The following CASKIN2 variants were observed in gnomAD, a reference collection of about 807,000 sequenced individuals.
The protein encoded by CASKIN2 is caskin-2.
A neutral mutation model predicts 107.1 loss-of-function variants in CASKIN2; 41 were observed. The ratio of observed to expected loss-of-function variants is 0.38; its 90% confidence interval spans 0.30 to 0.50. The LOEUF is 0.50. CASKIN2 is among the 20% of genes least tolerant of loss of function. CASKIN2 has a pLI of 0.92. For missense variants in CASKIN2, 1,546 were observed against 1,657.4 expected (o/e 0.93, Z 1.17); for synonymous variants, 724 against 705.6 (o/e 1.03, Z -0.41).
Position 75,506,757 on chromosome 17 carries a change from G to A in CASKIN2, c.486+42C>T. 1 of 1,613,748 alleles carries A rather than the reference G, an allele frequency of 6.2e-7. No individual in the cohort carries two copies. The highest frequency in any genetic ancestry group is 8.5e-7 in the Non-Finnish European group (1 of 1,179,972). ...AGTTAGAGCCTCCTCCTGAGACCCT[G>A]TAGATGTCCAGGACCCAGCACCCCA... On this transcript the variant is annotated intron_variant, in intron 6 of 19. Transcript: ENST00000321617. This position sits in a 1 kb window ranked among gnomAD's most constrained non-coding sequence, Gnocchi z 4.8.
rs2053218750 is a variant in CASKIN2, at chr17:75,502,924, G to A, written c.2150C>T (p.Pro717Leu). Residue 717 changes from proline (P) to leucine (L), a missense_variant, in exon 18 of 20, where the codon CCA (proline) becomes CTA (leucine). By Grantham distance (98) the Pro-to-Leu change is moderately conservative. Coordinates refer to ENST00000321617, the MANE Select transcript of CASKIN2 (RefSeq NM_020753.5). This position sits in a 1 kb window ranked among gnomAD's most constrained non-coding sequence, Gnocchi z 4.3. Reference sequence around the variant, plus strand: ...GCTGGGATCTCCACCGCTGGGCTGTGGGGCAGGCTGTTCCTGTGAGTGGCC... The same window carrying A: ...GCTGGGATCTCCACCGCTGGGCTGTAGGGCAGGCTGTTCCTGTGAGTGGCC... ...GSGHSQEQPA[P>L]QPSGGDPSPP... 6.4e-6 allele frequency: 10 copies of A among 1,564,012 alleles called. No individual in the cohort carries two copies. Among genetic ancestry groups the A allele is most frequent in the Middle Eastern group, 1.7e-4 (1 of 5,808 alleles).
rs199876210 is a variant in CASKIN2 at position 75,501,455 on chromosome 17, C to T, written c.3518+13G>A. On this transcript the variant is annotated intron_variant, in intron 19 of 19. Transcript: ENST00000321617. ...CTGCAGCCTTCTCTCCCTCCCCATC[C>T]GGCCCCCCTCACCCCTCTTGCTCCT... The T allele has an allele frequency of 1.7e-4, 268 of 1,598,246 alleles. No individual in the cohort carries two copies. The East Asian group carries it at 5.2e-3, about 31-fold the overall frequency.
Position 75,504,700 on chromosome 17 carries a change from G to A in CASKIN2, c.1193-7C>T. Reference sequence around the variant, plus strand: ...ACACTATTCCTGTCACCTGCTGTGGGGGGCAGAAGCCAAGGGGTCAGAGTC... The same window carrying A: ...ACACTATTCCTGTCACCTGCTGTGGAGGGCAGAAGCCAAGGGGTCAGAGTC... On this transcript the variant is annotated splice_polypyrimidine_tract_variant and splice_region_variant and intron_variant, in intron 11 of 19. Transcript: ENST00000321617. The A allele has an allele frequency of 6.3e-7, 1 of 1,588,626 alleles. No individual in the cohort carries two copies. The highest frequency in any genetic ancestry group is 8.6e-7 in the Non-Finnish European group (1 of 1,164,450).
chr17:75,508,443 GC>G, intron 2 of CASKIN2, among the ~76,000 whole-genome samples, 158 bp from the exon 3 acceptor site: 1 of 152,204 alleles, frequency 6.6e-6, no homozygotes, highest in East Asian at 1.9e-4. Context: ...CCCCACCCTG[GC>G]CCACCGGCCC....
rs764564757 is a variant in CASKIN2 at position 75,501,586 on chromosome 17, C to T, written c.3400G>A (p.Glu1134Lys). ...CCTGGGCCCACAGTCCCAGTGCTCT[C>T]AGGCCGTGGAGGAGGCACTGGGCGG... Reference protein sequence around the residue: ...GPRPVPPPRPESTGTVGPGQA... With the variant: ...GPRPVPPPRPKSTGTVGPGQA... The change falls in exon 19 of 20, where the codon GAG becomes AAG. Residue 1134 changes from glutamate (E) to lysine (K), a missense_variant. Coordinates refer to ENST00000321617, the MANE Select transcript of CASKIN2 (RefSeq NM_020753.5). 6.2e-7 allele frequency: 1 copy of T among 1,609,382 alleles called. No homozygotes were observed. Among genetic ancestry groups the T allele is most frequent in the Non-Finnish European group, 8.5e-7 (1 of 1,177,558 alleles).
rs769255833 is a variant in CASKIN2 at position 75,504,696 on chromosome 17, G to T, written c.1193-3C>A. 21 of 1,590,424 alleles carry T rather than the reference G, an allele frequency of 1.3e-5. No individual in the cohort carries two copies. The highest frequency in any genetic ancestry group is 1.7e-5 in the Non-Finnish European group (20 of 1,165,756). On this transcript the variant is annotated splice_polypyrimidine_tract_variant and splice_region_variant and intron_variant, in intron 11 of 19. Transcript: ENST00000321617. ...GCCCACACTATTCCTGTCACCTGCT[G>T]TGGGGGGCAGAAGCCAAGGGGTCAG...
In CASKIN2 at chr17:75,502,638, C is replaced by G. The variant is rs967928935; in HGVS notation, c.2436G>C (p.Glu812Asp). ...SRPGPTEGDA[E>D]GEAEGPVGST... ...TGCCCACTGGCCCTTCGGCCTCCCC[C>G]TCAGCATCCCCCTCTGTGGGGCCAG... The change falls in exon 18 of 20, where the codon GAG becomes GAC. Residue 812 changes from glutamate (E) to aspartate (D), a missense_variant. Physicochemically the swap from Glu to Asp is conservative, Grantham distance 45. This residue lies in a region of CASKIN2 where 1,311 missense variants were observed against 1,311.0 expected (regional missense o/e 1.00). Transcript: ENST00000321617. This position sits in a 1 kb window ranked among gnomAD's most constrained non-coding sequence, Gnocchi z 4.3. The G allele has an allele frequency of 1.2e-6, 2 of 1,605,774 alleles. No individual in the cohort carries two copies. Among genetic ancestry groups the G allele is most frequent in the East Asian group, 4.5e-5 (2 of 44,688 alleles).
intron 2 of CASKIN2, among the ~76,000 whole-genome samples, chr17:75,510,912 T>C (rs1478823233): frequency 2.0e-5 from 3 of 151,962 alleles, no homozygotes; most frequent in African/African-American, 7.2e-5. Flanking sequence ...GTCTGCACTT[T>C]TGAAACAATC....
Position 75,501,013 on chromosome 17 carries a change from G to C in CASKIN2, c.*67C>G. The stretch of plus-strand genomic sequence containing the variant: ...CCTTGGCCCGTCCCTAGGGTGGCAG[G>C]GGCCTCTTCTGTGCTGGGGCAAAGG... On this transcript the variant is annotated 3_prime_UTR_variant, in exon 20 of 20. Coordinates refer to ENST00000321617, the MANE Select transcript of CASKIN2 (RefSeq NM_020753.5). 1 of 1,450,432 alleles carries C rather than the reference G, an allele frequency of 6.9e-7. No individual in the cohort carries two copies. Among genetic ancestry groups the C allele is most frequent in the South Asian group, 1.2e-5 (1 of 81,990 alleles). The allele number at this position is 1,450,432 out of a possible 1,614,324, so 89.8% of individuals were successfully genotyped here. A position where few individuals can be genotyped will look rare whatever the true frequency, so the allele number is the denominator to read the frequency against.
Position 75,502,338 on chromosome 17 carries a change from G to T in CASKIN2, c.2736C>A (p.Gly912=). The change falls in exon 18 of 20, where the codon GGC becomes GGA. Residue 912 remains glycine (G), a synonymous_variant. Transcript: ENST00000321617. This position sits in a 1 kb window ranked among gnomAD's most constrained non-coding sequence, Gnocchi z 4.3. ...CAGGTGGGCCAGGGGGCTCTGAGGG[G>T]CCAGCAGGTTCACTCAGTGTTCGCC... ...PRRRTLSEPA[G]PSEPPGPPAP... 1.4e-6 allele frequency: 2 copies of T among 1,480,404 alleles called. No individual in the cohort carries two copies. Among genetic ancestry groups the T allele is most frequent in the Non-Finnish European group, 1.8e-6 (2 of 1,118,712 alleles). 91.7% of individuals were successfully genotyped at this position (1,480,404 alleles called of 1,614,324 possible).
In CASKIN2 at chr17:75,506,505, G is replaced by A; in HGVS notation, c.617+78C>T. The A allele has an allele frequency of 6.3e-6, 10 of 1,598,636 alleles. No homozygotes were observed. Among genetic ancestry groups the A allele is most frequent in the Admixed American group, 1.7e-5 (1 of 59,856 alleles). ...GGAGATGGAGAGCCCGGGTGAAAAG[G>A]GCAGTGGGGGAGAGCACTGAGGGGC... On this transcript the variant is annotated intron_variant, in intron 7 of 19. Coordinates refer to ENST00000321617, the MANE Select transcript of CASKIN2 (RefSeq NM_020753.5). This position sits in a 1 kb window ranked among gnomAD's most constrained non-coding sequence, Gnocchi z 4.8.
At position 75,502,343 on chromosome 17, in the gene CASKIN2, C is replaced by T. The variant is rs1424552085; in HGVS notation, c.2731G>A (p.Ala911Thr). 4 of 1,479,774 alleles carry T rather than the reference C, an allele frequency of 2.7e-6. No individual in the cohort carries two copies. The Admixed American group carries it at 1.0e-4, about 38-fold the overall frequency. The allele number at this position is 1,479,774 out of a possible 1,614,324, so 91.7% of individuals were successfully genotyped here. A position where few individuals can be genotyped will look rare whatever the true frequency, so the allele number is the denominator to read the frequency against. The part of the protein sequence containing the change: ...GPRRRTLSEP[A>T]GPSEPPGPPA... ...GGGCCAGGGGGCTCTGAGGGGCCAG[C>T]AGGTTCACTCAGTGTTCGCCTTCGG... Residue 911 changes from alanine to threonine, a missense_variant, in exon 18 of 20, where the codon GCT becomes ACT. Ala to Thr is a moderately conservative substitution (Grantham distance 58). Coordinates refer to ENST00000321617, the MANE Select transcript of CASKIN2 (RefSeq NM_020753.5). This position sits in a 1 kb window ranked among gnomAD's most constrained non-coding sequence, Gnocchi z 4.3.
intron 2 of CASKIN2, among the ~76,000 whole-genome samples, chr17:75,511,759 A>G (rs1410042936): frequency 2.0e-5 from 3 of 152,118 alleles, no homozygotes; most frequent in Admixed American, 6.5e-5. Flanking sequence ...CCTTCCCCAC[A>G]GACGCTTCCC....
chr17:75,502,666 C>T lies in CASKIN2; in HGVS notation c.2408G>A (p.Arg803His), dbSNP rs766472023. 48 of 1,598,528 alleles carry T rather than the reference C, an allele frequency of 3.0e-5. No individual in the cohort carries two copies. Among genetic ancestry groups the T allele is most frequent in the African/African-American group, 6.9e-5 (5 of 72,970 alleles). The change falls in exon 18 of 20, where the codon CGC (arginine) becomes CAC (histidine). Residue 803 changes from arginine (R) to histidine (H), a missense_variant. By Grantham distance (29) the Arg-to-His change is conservative. This residue lies in a region of CASKIN2 where 1,311 missense variants were observed against 1,311.0 expected (regional missense o/e 1.00). Transcript: ENST00000321617. This position sits in a 1 kb window ranked among gnomAD's most constrained non-coding sequence, Gnocchi z 4.3. ...AGCATCCCCCTCTGTGGGGCCAGGGCGGCTTAGGCTGTGGGACCGGCGCTT... is the reference window on the plus strand; with the variant it reads ...AGCATCCCCCTCTGTGGGGCCAGGGTGGCTTAGGCTGTGGGACCGGCGCTT... ...RPKRRSHSLS[R>H]PGPTEGDAEG...
In CASKIN2 at chr17:75,500,342, C is replaced by G. The variant is rs2053153065; in HGVS notation, c.*738G>C. 6.6e-6 allele frequency: 1 copy of G among 152,192 alleles called. No individual in the cohort carries two copies. Among genetic ancestry groups the G allele is most frequent in the Non-Finnish European group, 1.5e-5 (1 of 68,146 alleles). The allele number at this position is 152,192 out of a possible 1,614,324, so 9.4% of individuals were successfully genotyped here. ...GAGCCAGGGCCTGGGCCAATGGGGTCAGGCTCTCCCTGCCCTCAGGTGGGC... is the reference window on the plus strand; with the variant it reads ...GAGCCAGGGCCTGGGCCAATGGGGTGAGGCTCTCCCTGCCCTCAGGTGGGC... On this transcript the variant is annotated 3_prime_UTR_variant, in exon 20 of 20. Coordinates refer to ENST00000321617, the MANE Select transcript of CASKIN2 (RefSeq NM_020753.5).
In CASKIN2 at chr17:75,505,588, G is replaced by A; in HGVS notation, c.899C>T (p.Ala300Val). 1.2e-6 allele frequency: 2 copies of A among 1,613,674 alleles called. No individual in the cohort carries two copies. The highest frequency in any genetic ancestry group is 1.7e-6 in the Non-Finnish European group (2 of 1,180,006). The change falls in exon 10 of 20, where the codon GCT becomes GTT. Residue 300 changes from alanine to valine, a missense_variant. Ala to Val is a moderately conservative substitution (Grantham distance 64). Around this residue, in one of 6 missense-constraint regions of CASKIN2, gnomAD observed 1,311 missense variants for 1,311.0 expected, o/e 1.00. Coordinates refer to ENST00000321617, the MANE Select transcript of CASKIN2 (RefSeq NM_020753.5). The surrounding 1 kb of genome is among the most constrained non-coding windows in gnomAD (Gnocchi z 5.1). ...KDFWNLHDPT[A>V]LNVRAGDVIT... The stretch of plus-strand genomic sequence containing the variant: ...GACATCCCCTGCCCGGACATTGAGA[G>A]CAGTGGGATCGTGGAGGTTCCAGAA...
chr17:75,508,038 T>C (rs930846677), intron 3 of CASKIN2, among the ~76,000 whole-genome samples, 196 bp downstream of exon 3: 17 of 152,060 alleles, frequency 1.1e-4, no homozygotes, highest in African/African-American at 4.1e-4. Flanking sequence ...CACTCAGGGC[T>C]AACTCCACGG....
Position 75,504,219 on chromosome 17 carries a change from C to T in CASKIN2, c.1463G>A (p.Gly488Glu). The T allele has an allele frequency of 6.3e-7, 1 of 1,585,070 alleles. No homozygotes were observed. Among genetic ancestry groups the T allele is most frequent in the Non-Finnish European group, 8.6e-7 (1 of 1,166,056 alleles). Residue 488 changes from glycine to glutamate, a missense_variant, in exon 14 of 20, where the codon GGG becomes GAG. By Grantham distance (98) the Gly-to-Glu change is moderately conservative. This residue lies in a region of CASKIN2 where 1,311 missense variants were observed against 1,311.0 expected (regional missense o/e 1.00). Transcript: ENST00000321617. ...TGCACCCCGTGGAGGTCACACCTTC[C>T]CCTCCAGCAGCTGTTCTGGCCGCAC... ...QDVRPEQLLEGKDAQAIHNWL... is the reference protein window; with the variant it reads ...QDVRPEQLLEEKDAQAIHNWL...
At position 75,506,363 on chromosome 17, in the gene CASKIN2, G is replaced by C; in HGVS notation, c.668C>G (p.Thr223Arg). 6.2e-7 allele frequency: 1 copy of C among 1,611,886 alleles called. No homozygotes were observed. The highest frequency in any genetic ancestry group is 2.2e-5 in the East Asian group (1 of 44,864). ...IEINRQTKTG[T>R]ALHEAALYGK... ...ATACAGTGCGGCCTCGTGGAGCGCC[G>C]TACCCGTCTTGGTCTGGCGGTTGAT... Residue 223 changes from threonine to arginine, a missense_variant, in exon 8 of 20, where the codon ACG (threonine) becomes AGG (arginine). Physicochemically the swap from Thr to Arg is moderately conservative, Grantham distance 71. Transcript: ENST00000321617. The surrounding 1 kb of genome is among the most constrained non-coding windows in gnomAD (Gnocchi z 4.8).
Sources: allele counts gnomAD v4.1 joint callset (sites outside exome capture counted in the v4.1 genomes callset), GRCh38; gene constraint gnomAD v4.1.1; regional missense constraint gnomAD v4.1.1; non-coding constraint Gnocchi (gnomAD v3.1); transcripts MANE v1.5; gene names NCBI Gene and HGNC (gene_info 2026-07-23, HGNC 2026-07-21).